The following RUNX1 variants were observed in gnomAD, a reference collection of about 807,000 sequenced individuals.
RUNX1 encodes the protein RUNX family transcription factor 1.
In RUNX1, 19 loss-of-function variants were observed where a neutral mutation model predicts 42.8. That is an observed-to-expected ratio of 0.44 (90% CI 0.31 to 0.65). The LOEUF is 0.65. Ranked by LOEUF, RUNX1 falls within the 30% of genes least tolerant of loss-of-function variation. RUNX1 has a pLI of 0.07. For missense variants in RUNX1, 528 were observed against 672.0 expected, an observed-to-expected ratio of 0.79 and a Z score of 2.37; for synonymous variants, 271 against 289.4, an observed-to-expected ratio of 0.94 and a Z score of 0.64.
intron 2 of RUNX1, among the ~76,000 whole-genome samples, chr21:35,034,828 C>A (rs1318813210): frequency 1.3e-5 from 2 of 152,184 alleles, no homozygotes; most frequent in East Asian, 3.9e-4. Flanking sequence ...GTAATCCCAG[C>A]CACTAGCTCT....
rs1487924415 is a variant in RUNX1 at position 34,886,968 on chromosome 21, G to C, written c.226C>G (p.Arg76Gly). Reference protein sequence around the residue: ...ALAGKLRSGDRSMVEVLADHP... With the variant: ...ALAGKLRSGDGSMVEVLADHP... ...TCGGCCAGCACCTCCACCATGCTGC[G>C]GTCGCCGCTCCTCAGCTTGCCGGCC... The change falls in exon 4 of 9, where the codon CGC becomes GGC. Residue 76 changes from arginine to glycine, a missense_variant. Coordinates refer to ENST00000675419, the MANE Select transcript of RUNX1 (RefSeq NM_001754.5). 1 of 1,610,922 alleles carries C rather than the reference G, an allele frequency of 6.2e-7. No homozygotes were observed. Among genetic ancestry groups the C allele is most frequent in the Non-Finnish European group, 8.5e-7 (1 of 1,179,338 alleles).
chr21:34,788,150 G>A lies in RUNX1; in HGVS notation c.*3985C>T, dbSNP rs1189819829. The A allele has an allele frequency of 4.3e-6, 1 of 233,320 alleles. No individual in the cohort carries two copies. Among genetic ancestry groups the A allele is most frequent in the African/African-American group, 2.2e-5 (1 of 45,342 alleles). The allele number at this position is 233,320 out of a possible 1,614,324, so 14.5% of individuals were successfully genotyped here. A position where few individuals can be genotyped will look rare whatever the true frequency, so the allele number is the denominator to read the frequency against. ...TCCATACGTTTGTACCAGGGAGAAAGAAGCCCACGCACGAATTTTCAGGAT... is the reference window on the plus strand; with the variant it reads ...TCCATACGTTTGTACCAGGGAGAAAAAAGCCCACGCACGAATTTTCAGGAT... On this transcript the variant is annotated 3_prime_UTR_variant, in exon 9 of 9. Transcript: ENST00000675419.
At chr21:34,946,008 C>T (rs1025357604) in intron 2 of RUNX1, among the ~76,000 whole-genome samples, 1 of 152,186 alleles carries the variant, frequency 6.6e-6, no homozygotes, top group Non-Finnish European at 1.5e-5. Context: ...ATGCGTTCTC[C>T]TGTTCTCCTA....
At chr21:35,047,545 A>G (rs1568814210) in intron 2 of RUNX1, among the ~76,000 whole-genome samples, 1 of 129,474 alleles carries the variant, frequency 7.7e-6, no homozygotes, top group Non-Finnish European at 1.6e-5. Context: ...ACACACACAC[A>G]CACACACACA....
chr21:34,870,346 G>A (rs1293434187), intron 5 of RUNX1, among the ~76,000 whole-genome samples: 1 of 152,174 alleles, frequency 6.6e-6, no homozygotes, highest in Non-Finnish European at 1.5e-5. Context: ...ACAGACAAGG[G>A]CAAAATCAGG....
Position 34,885,567 on chromosome 21 carries a change from T to C in RUNX1, c.351+1276A>G, listed in dbSNP as rs1343587538. On this transcript the variant is annotated intron_variant, in intron 4 of 8. Transcript: ENST00000675419. ...CTATAGACACAGCCAACTGCAAATTTCGTTTTGTTTTAGAAATCACAATCT... is the reference window on the plus strand; with the variant it reads ...CTATAGACACAGCCAACTGCAAATTCCGTTTTGTTTTAGAAATCACAATCT... Among the ~76,000 whole-genome samples, 4 of 152,376 alleles carry C rather than the reference T, an allele frequency of 2.6e-5. No individual in the cohort carries two copies. In the East Asian group the frequency reaches 5.8e-4, roughly 22 times the overall value.
intron 6 of RUNX1, among the ~76,000 whole-genome samples, chr21:34,841,662 G>GC (rs1346179559): frequency 6.6e-6 from 1 of 152,170 alleles, no homozygotes; most frequent in Non-Finnish European, 1.5e-5. Flanking sequence ...CTGTGTCACT[G>GC]CCCTGGGGCC....
intron 2 of RUNX1, among the ~76,000 whole-genome samples, chr21:34,938,957 T>C (rs938093881): frequency 1.3e-5 from 2 of 152,212 alleles, no homozygotes; most frequent in Non-Finnish European, 2.9e-5. Context: ...GCAAAACTCA[T>C]AGTTACAACA....
intron 2 of RUNX1, among the ~76,000 whole-genome samples, chr21:35,017,772 G>A (rs930981386): frequency 2.0e-5 from 3 of 152,068 alleles, no homozygotes; most frequent in Admixed American, 6.5e-5. Context: ...TATCATAGCC[G>A]TCTTCAGGAA....
chr21:34,880,524 G>A (rs751723464), intron 5 of RUNX1, 33 bp downstream of exon 5: 19 of 1,607,430 alleles, frequency 1.2e-5, no homozygotes, highest in South Asian at 3.3e-5. Flanking sequence ...GCCATGAAAC[G>A]TGTTTCAAGC....
chr21:34,996,281 G>A (rs2058994681), intron 2 of RUNX1, among the ~76,000 whole-genome samples: 1 of 111,216 alleles, frequency 9.0e-6, no homozygotes, highest in Non-Finnish European at 1.9e-5. Context: ...TGATAACTCT[G>A]CCTAAGAGGG....
At chr21:34,921,575 T>C (rs190676380) in intron 2 of RUNX1, among the ~76,000 whole-genome samples, 2 of 152,338 alleles carry the variant, frequency 1.3e-5, no homozygotes, top group East Asian at 1.9e-4. Context: ...TTGCGACCCA[T>C]GCTGCTATGA....
chr21:35,023,335 G>A (rs1253274862), intron 2 of RUNX1, among the ~76,000 whole-genome samples: 1 of 152,212 alleles, frequency 6.6e-6, no homozygotes, highest in Non-Finnish European at 1.5e-5. Context: ...TAACAATCAA[G>A]TCTTGTGAGA....
At chr21:34,909,353 CAG>C (rs899713649) in intron 2 of RUNX1, among the ~76,000 whole-genome samples, 2 of 152,124 alleles carry the variant, frequency 1.3e-5, no homozygotes, top group Admixed American at 6.5e-5. Flanking sequence ...ATGTGGAAAA[CAG>C]AGAGAATCCA....
intron 8 of RUNX1, among the ~76,000 whole-genome samples, chr21:34,798,650 T>G (rs560477838): frequency 6.6e-6 from 1 of 152,310 alleles, no homozygotes; most frequent in East Asian, 1.9e-4. Context: ...ATATACAGAC[T>G]TTTCTTCTTG....
chr21:35,032,230 T>A (rs1398829121), intron 2 of RUNX1, among the ~76,000 whole-genome samples: 1 of 152,220 alleles, frequency 6.6e-6, no homozygotes, highest in Non-Finnish European at 1.5e-5. Flanking sequence ...GAAAGAGTAC[T>A]GAGAATAATG....
At chr21:34,988,283 C>T (rs554934735) in intron 2 of RUNX1, among the ~76,000 whole-genome samples, 24 of 152,228 alleles carry the variant, frequency 1.6e-4, no homozygotes, top group African/African-American at 5.3e-4. Context: ...TGGACACAGC[C>T]GGGGGAAACA....
chr21:34,970,395 G>A (rs1247946403), intron 2 of RUNX1, among the ~76,000 whole-genome samples: 1 of 152,234 alleles, frequency 6.6e-6, no homozygotes, highest in Non-Finnish European at 1.5e-5. Context: ...CAGTTCATAT[G>A]CTTTGCAGAT....
At chr21:34,805,717 A>G (rs1366344639) in intron 7 of RUNX1, among the ~76,000 whole-genome samples, 2 of 152,254 alleles carry the variant, frequency 1.3e-5, no homozygotes, top group African/African-American at 2.4e-5. Context: ...AGAAATGTCA[A>G]AAAGAACTGC....
Sources: gnomAD v4.1 joint callset for allele counts (sites outside exome capture counted in the v4.1 genomes callset) on GRCh38, gnomAD v4.1.1 for gene constraint, MANE v1.5 for transcripts, NCBI Gene and HGNC (gene_info 2026-07-23, HGNC 2026-07-21) for gene names.